ELL: variants seen among roughly 807,000 people sequenced by gnomAD.
The protein encoded by ELL is elongation factor for RNA polymerase II.
A neutral mutation model predicts 64.0 loss-of-function variants in ELL; 18 were observed. The observed-to-expected ratio is 0.28, with a 90% confidence interval of 0.19 to 0.42. The LOEUF is 0.42. Among genes scored for constraint, ELL ranks in the 10% least tolerant of loss-of-function variants. The pLI is 1.00. For synonymous variants in ELL, 399 were observed against 376.2 expected (o/e 1.06, Z -0.70); for missense variants, 797 against 870.4 (o/e 0.92, Z 1.06).
At chr19:18,462,179 AGTGTGTGT>A (rs758119031) in intron 4 of ELL, among the ~76,000 whole-genome samples, 7 of 120,114 alleles carry the variant, frequency 5.8e-5, no homozygotes, top group East Asian at 2.4e-4. Context: ...TCTGGTGGGC[AGTGTGTGT>A]GTGTGTGTGT....
chr19:18,469,821 C>T lies in ELL; in HGVS notation c.183+3014G>A, dbSNP rs184947169. ...CTGCCAGAGTCCGTTCATCTCTTCCCTTTGAAATCCATCCCAAATTGGGGC... is the reference window on the plus strand; with the variant it reads ...CTGCCAGAGTCCGTTCATCTCTTCCTTTTGAAATCCATCCCAAATTGGGGC... On this transcript the variant is annotated intron_variant, in intron 2 of 11. Transcript: ENST00000262809. Among the ~76,000 whole-genome samples, 896 of 152,346 alleles carry T rather than the reference C, an allele frequency of 5.9e-3. 21 individuals carry two copies. Among genetic ancestry groups the T allele is most frequent in the Admixed American group, 0.042 (637 of 15,304 alleles).
At chr19:18,460,656 C>G (rs568025852) in intron 5 of ELL, among the ~76,000 whole-genome samples, 1 of 152,324 alleles carries the variant, frequency 6.6e-6, no homozygotes, top group South Asian at 2.1e-4. Context: ...TGAGGAGCTC[C>G]GTAAACATGG....
Position 18,471,091 on chromosome 19 carries a change from A to T in ELL, c.183+1744T>A, listed in dbSNP as rs150450831. ...TGGTAACTCTAAAAGAAAAAAAAAA[A>T]GTTGGGTGCAGTGGCTCACACCTGT... On this transcript the variant is annotated intron_variant, in intron 2 of 11. Transcript: ENST00000262809. 3.2e-3 allele frequency: 1,355 copies of T among 421,978 alleles called. 15 individuals carry two copies. The highest frequency in any genetic ancestry group is 0.025 in the African/African-American group (1,211 of 48,050). The allele number at this position is 421,978 out of a possible 1,614,324, so 26.1% of individuals were successfully genotyped here. A position where few individuals can be genotyped will look rare whatever the true frequency, so the allele number is the denominator to read the frequency against.
chr19:18,520,779 GC>G (rs1297718098), intron 1 of ELL, among the ~76,000 whole-genome samples: 5 of 143,052 alleles, frequency 3.5e-5, no homozygotes, highest in Non-Finnish European at 7.5e-5. Context: ...GGCTCTCTGA[GC>G]CCGAGACTAG....
chr19:18,481,241 T>C (rs991019329), intron 1 of ELL, among the ~76,000 whole-genome samples: 1 of 152,198 alleles, frequency 6.6e-6, no homozygotes, highest in African/African-American at 2.4e-5. Context: ...TAAGATGAGT[T>C]TCCCGTGGTC....
intron 10 of ELL, among the ~76,000 whole-genome samples, chr19:18,445,644 C>T (rs1376010137): frequency 2.0e-5 from 3 of 152,080 alleles, no homozygotes; most frequent in African/African-American, 7.2e-5. Flanking sequence ...CATCATGAGT[C>T]GTCGTCTTTG....
intron 4 of ELL, among the ~76,000 whole-genome samples, chr19:18,462,371 G>GTGTGTGTGTGT (rs1321676465): frequency 3.9e-5 from 3 of 76,306 alleles, no homozygotes; most frequent in African/African-American, 7.0e-5. Flanking sequence ...GTGTTTGGGC[G>GTGTGTGTGTGT]GGGGGCGGGG....
At chr19:18,479,492 T>C (rs1975249263) in intron 1 of ELL, among the ~76,000 whole-genome samples, 1 of 152,100 alleles carries the variant, frequency 6.6e-6, no homozygotes, top group Admixed American at 6.6e-5. Flanking sequence ...GTGGACTGCT[T>C]GAGGTCAGGA....
At chr19:18,496,698 G>T (rs1220826332) in intron 1 of ELL, among the ~76,000 whole-genome samples, 1 of 152,250 alleles carries the variant, frequency 6.6e-6, no homozygotes, top group Non-Finnish European at 1.5e-5. Context: ...TGTCCACTCA[G>T]GTGGTGCGGA....
At chr19:18,502,262 A>G (rs949545205) in intron 1 of ELL, among the ~76,000 whole-genome samples, 113 of 152,212 alleles carry the variant, frequency 7.4e-4, no homozygotes, top group African/African-American at 2.4e-3. Context: ...AGGGAGACAC[A>G]TGACCACCCT....
intron 1 of ELL, among the ~76,000 whole-genome samples, chr19:18,491,932 C>T (rs1600483787): frequency 6.6e-6 from 1 of 152,202 alleles, no homozygotes; most frequent in East Asian, 1.9e-4. Context: ...ATTTACCTAC[C>T]TACCTCTCTT....
Position 18,451,653 on chromosome 19 carries a change from G to A in ELL, c.870-5C>T, listed in dbSNP as rs373638273. ...CTCTGTGGCTGGCACAGCTTCCTGC[G>A]AAGGAGAGGCAGGGCTAGGTCAGAA... is the stretch of plus-strand genomic sequence containing the variant. On this transcript the variant is annotated splice_polypyrimidine_tract_variant and splice_region_variant and intron_variant, in intron 6 of 11. Transcript: ENST00000262809. 1.1e-5 allele frequency: 17 copies of A among 1,493,686 alleles called. No homozygotes were observed. The Middle Eastern group carries it at 6.5e-4, about 57-fold the overall frequency. The allele number at this position is 1,493,686 out of a possible 1,614,324, so 92.5% of individuals were successfully genotyped here. A position where few individuals can be genotyped will look rare whatever the true frequency, so the allele number is the denominator to read the frequency against.
intron 1 of ELL, among the ~76,000 whole-genome samples, chr19:18,491,249 ATTTTTTTTTTT>A (rs565016319): frequency 2.8e-5 from 2 of 72,448 alleles, no homozygotes; most frequent in African/African-American, 8.9e-5. Flanking sequence ...CACCTGGCTA[ATTTTTTTTTTT>A]TTTTTTTTTT....
chr19:18,518,559 G>A (rs1483544989), intron 1 of ELL, among the ~76,000 whole-genome samples: 1 of 151,728 alleles, frequency 6.6e-6, no homozygotes, highest in African/African-American at 2.4e-5. Flanking sequence ...GGAGGCTGAG[G>A]CAGATGGATC....
At position 18,501,112 on chromosome 19, in the gene ELL, C is replaced by A. The variant is rs1975771682; in HGVS notation, c.135+20809G>T. On this transcript the variant is annotated intron_variant, in intron 1 of 11. Transcript: ENST00000262809. This position sits in a 1 kb window ranked among gnomAD's most constrained non-coding sequence, Gnocchi z 4.5. ...CACACCCAGGAGAAGAACGAGCGGG[C>A]CACGACACTGTTCTCGCCAGCTATG... Among the ~76,000 whole-genome samples, 1 of 152,074 alleles carries A rather than the reference C, an allele frequency of 6.6e-6. No homozygotes were observed. The highest frequency in any genetic ancestry group is 1.9e-4 in the East Asian group (1 of 5,182).
At chr19:18,460,265 T>C (rs1325020732) in intron 5 of ELL, among the ~76,000 whole-genome samples, 1 of 152,166 alleles carries the variant, frequency 6.6e-6, no homozygotes, top group Admixed American at 6.5e-5. Flanking sequence ...AAGCCAACAG[T>C]GTCCTGCTGA....
At chr19:18,499,865 G>A (rs1248322998) in intron 1 of ELL, among the ~76,000 whole-genome samples, 11 of 152,318 alleles carry the variant, frequency 7.2e-5, no homozygotes, top group Non-Finnish European at 1.6e-4. Flanking sequence ...CGGGGCCGAG[G>A]GAGCCATCTG....
intron 2 of ELL, chr19:18,472,530 C>CGCTCACTCACCCACAGCTCACCT: frequency 2.5e-6 from 1 of 407,254 alleles, no homozygotes; most frequent in South Asian, 4.7e-5. Flanking sequence ...CCTAACCAGT[C>CGCTCACTCACCCACAGCTCACCT]CAGTGCTGGG....
intron 6 of ELL, among the ~76,000 whole-genome samples, chr19:18,456,201 CCA>C (rs1477586307): frequency 6.6e-6 from 1 of 152,146 alleles, no homozygotes; most frequent in African/African-American, 2.4e-5. Context: ...CTTTCCACTA[CCA>C]CACACAGGAC....
Sources: allele counts gnomAD v4.1 joint callset (sites outside exome capture counted in the v4.1 genomes callset), GRCh38; gene constraint gnomAD v4.1.1; non-coding constraint Gnocchi (gnomAD v3.1); transcripts MANE v1.5; gene names NCBI Gene and HGNC (gene_info 2026-07-23, HGNC 2026-07-21).